SLIT2: variants seen among roughly 807,000 people sequenced by gnomAD.
The protein encoded by SLIT2 is slit homolog 2 protein.
Under a neutral mutation model 185.7 loss-of-function variants are expected in SLIT2, and 41 were observed. That is an observed-to-expected ratio of 0.22 (90% CI 0.17 to 0.29). The LOEUF (loss-of-function observed/expected upper bound fraction) is 0.29, where lower values mean the gene tolerates loss of function less well. Among genes scored for constraint, SLIT2 ranks in the 10% least tolerant of loss-of-function variants. The pLI is 1.00. For missense variants in SLIT2, 1,571 were observed against 1,909.0 expected (o/e 0.82, Z 3.30); for synonymous variants, 693 against 680.2 (o/e 1.02, Z -0.29).
chr4:20,388,106 A>G (rs552970032), intron 4 of SLIT2, among the ~76,000 whole-genome samples: 4 of 152,322 alleles, frequency 2.6e-5, no homozygotes, highest in East Asian at 1.9e-4. Context: ...TATGACATCT[A>G]TGAAAACCCG....
At chr4:20,617,892 T>C (rs1337733251) in intron 36 of SLIT2, among the ~76,000 whole-genome samples, 1 of 152,186 alleles carries the variant, frequency 6.6e-6, no homozygotes, top group Admixed American at 6.5e-5. Context: ...ACCGCAAGAT[T>C]GTATACAGCC....
Position 20,336,625 on chromosome 4 carries a change from A to G in SLIT2, c.395+67744A>G, listed in dbSNP as rs554034973. Among the ~76,000 whole-genome samples, 15 of 152,330 alleles carry G rather than the reference A, an allele frequency of 9.8e-5. No individual in the cohort carries two copies. The South Asian group carries it at 2.7e-3, about 27-fold the overall frequency. ...CAGCACACCAACATGGCACATGTAT[A>G]CATATGTAACAAACCTGCACGTTGT... On this transcript the variant is annotated intron_variant, in intron 4 of 36. Transcript: ENST00000504154.
At chr4:20,511,203 A>T (rs1577820327) in intron 11 of SLIT2, 66 bp downstream of exon 11, 1 of 897,810 alleles carries the variant, frequency 1.1e-6, no homozygotes, top group Non-Finnish European at 1.8e-6. Flanking sequence ...CCTTTTTTAA[A>T]TTGGGGTTTA....
chr4:20,538,258 C>G (rs534530245), intron 18 of SLIT2, among the ~76,000 whole-genome samples: 10 of 152,170 alleles, frequency 6.6e-5, no homozygotes, highest in African/African-American at 2.2e-4. Context: ...CTGGACCTGG[C>G]GCTCAAACTT....
chr4:20,258,586 CTT>C (rs1712105803), intron 3 of SLIT2, among the ~76,000 whole-genome samples: 1 of 151,614 alleles, frequency 6.6e-6, no homozygotes, highest in African/African-American at 2.4e-5. Flanking sequence ...TAAATGTAGA[CTT>C]CAGATTTTAA....
chr4:20,615,940 G>A (rs919263698), intron 34 of SLIT2: 2 of 152,292 alleles, frequency 1.3e-5, no homozygotes, highest in African/African-American at 2.4e-5. Flanking sequence ...TTCCCTGGAT[G>A]GGTGCCTTCT....
rs780247700 is a variant in SLIT2, at chr4:20,525,146, T to C, written c.1439-3T>C. ...TCTATTTTTTGTCTCTTTTTTTATT[T>C]AGCTAAAGAACAGTATTTCATTCCA... On this transcript the variant is annotated splice_polypyrimidine_tract_variant and splice_region_variant and intron_variant, in intron 14 of 36. Transcript: ENST00000504154. The C allele has an allele frequency of 6.2e-7, 1 of 1,607,172 alleles. No homozygotes were observed. Among genetic ancestry groups the C allele is most frequent in the Non-Finnish European group, 8.5e-7 (1 of 1,174,038 alleles).
At chr4:20,501,909 T>A (rs1718769752) in intron 9 of SLIT2, among the ~76,000 whole-genome samples, 1 of 152,212 alleles carries the variant, frequency 6.6e-6, no homozygotes, top group Non-Finnish European at 1.5e-5. Context: ...ATATCCACTA[T>A]GTGCAGAGAA....
Position 20,253,907 on chromosome 4 carries a change from A to G in SLIT2, c.92A>G (p.Gln31Arg). Reference sequence around the variant, plus strand: ...GTGGCACCGCAGGCGTGCCCGGCGCAGTGCTCTTGCTCGGGCAGCACAGTG... The same window carrying G: ...GTGGCACCGCAGGCGTGCCCGGCGCGGTGCTCTTGCTCGGGCAGCACAGTG... ...NKVAPQACPAQCSCSGSTVDC... is the reference protein window; with the variant it reads ...NKVAPQACPARCSCSGSTVDC... Residue 31 changes from glutamine to arginine, a missense_variant, in exon 1 of 37, where the codon CAG becomes CGG. Around this residue, in one of 3 missense-constraint regions of SLIT2, gnomAD observed 1,202 missense variants for 1,416.4 expected, o/e 0.85. Transcript: ENST00000504154. 6.2e-7 allele frequency: 1 copy of G among 1,601,884 alleles called. No individual in the cohort carries two copies. Among genetic ancestry groups the G allele is most frequent in the Non-Finnish European group, 8.5e-7 (1 of 1,179,908 alleles).
intron 4 of SLIT2, among the ~76,000 whole-genome samples, chr4:20,276,542 A>C (rs1258445275): frequency 6.6e-6 from 1 of 152,134 alleles, no homozygotes; most frequent in African/African-American, 2.4e-5. Flanking sequence ...ACATCCCCCA[A>C]ATGAAAGTTT....
At chr4:20,305,608 C>T (rs1255041787) in intron 4 of SLIT2, among the ~76,000 whole-genome samples, 1 of 152,044 alleles carries the variant, frequency 6.6e-6, no homozygotes, top group East Asian at 1.9e-4. Flanking sequence ...CATGGTGGCT[C>T]ATGCCTATAA....
At chr4:20,360,595 A>T (rs1277313399) in intron 4 of SLIT2, among the ~76,000 whole-genome samples, 6 of 151,048 alleles carry the variant, frequency 4.0e-5, no homozygotes, top group African/African-American at 9.7e-5. Flanking sequence ...TAACATTTTT[A>T]AAAATTATGT....
At chr4:20,551,994 G>A (rs955400843) in intron 25 of SLIT2, among the ~76,000 whole-genome samples, 12 of 152,102 alleles carry the variant, frequency 7.9e-5, no homozygotes, top group African/African-American at 2.9e-4. Context: ...TCAGACTGGT[G>A]CCTATTAATA....
chr4:20,263,452 G>A (rs556002096), intron 3 of SLIT2, among the ~76,000 whole-genome samples: 1 of 151,866 alleles, frequency 6.6e-6, no homozygotes, highest in African/African-American at 2.4e-5. Flanking sequence ...AGGTTCTAGA[G>A]TAAAAGCACA....
intron 4 of SLIT2, among the ~76,000 whole-genome samples, chr4:20,426,400 T>C (rs1360384537): frequency 1.3e-5 from 2 of 151,524 alleles, no homozygotes; most frequent in African/African-American, 4.9e-5. Context: ...AAATAGGGAG[T>C]TTTGTATAAG....
intron 17 of SLIT2, among the ~76,000 whole-genome samples, chr4:20,532,883 G>A (rs1721927765): frequency 6.6e-6 from 1 of 152,134 alleles, no homozygotes; most frequent in Admixed American, 6.5e-5. Flanking sequence ...TTATTAAGAA[G>A]CTACTGTGTG....
rs983100108 is a variant in SLIT2, at chr4:20,424,692, T to C, written c.396-43060T>C. Among the ~76,000 whole-genome samples the C allele has an allele frequency of 1.4e-4, 22 of 152,146 alleles. 2 individuals are homozygous for C. The highest frequency in any genetic ancestry group is 1.0e-3 in the Admixed American group (16 of 15,258). ...ACAAAGTCAATGTGCACATCTGCTT[T>C]TGGGCATTTGTATATTTTTATAAAC... On this transcript the variant is annotated intron_variant, in intron 4 of 36. Coordinates refer to ENST00000504154, the MANE Select transcript of SLIT2 (RefSeq NM_004787.4).
At chr4:20,540,488 A>G (rs1722709895) in intron 19 of SLIT2, among the ~76,000 whole-genome samples, 1 of 152,110 alleles carries the variant, frequency 6.6e-6, no homozygotes, top group African/African-American at 2.4e-5. Context: ...GACAGAATTC[A>G]AGAAAAGTAA....
At chr4:20,493,325 T>C (rs1301018633) in intron 9 of SLIT2, among the ~76,000 whole-genome samples, 9 of 148,912 alleles carry the variant, frequency 6.0e-5, no homozygotes, top group Non-Finnish European at 1.2e-4. Context: ...AGATATTAGA[T>C]GTGATAAAGT....
Sources: gnomAD v4.1 joint callset for allele counts (sites outside exome capture counted in the v4.1 genomes callset) on GRCh38, gnomAD v4.1.1 for gene constraint, gnomAD v4.1.1 regional missense constraint, MANE v1.5 for transcripts, NCBI Gene and HGNC (gene_info 2026-07-23, HGNC 2026-07-21) for gene names.